The following KRT8 variants were observed in gnomAD, a reference collection of about 807,000 sequenced individuals.
The protein encoded by KRT8 is keratin, type II cytoskeletal 8.
In KRT8, 24 loss-of-function variants were observed where a neutral mutation model predicts 43.0. That is an observed-to-expected ratio of 0.56 (90% CI 0.40 to 0.78). KRT8 has a LOEUF of 0.78. KRT8 is among the 30% of genes least tolerant of loss of function. The pLI, the probability that KRT8 is intolerant of heterozygous loss-of-function variation, is 0.00. For synonymous variants in KRT8, 214 were observed against 261.2 expected (o/e 0.82, Z 1.74); for missense variants, 492 against 638.4 (o/e 0.77, Z 2.47).
At chr12:52,948,827 A>G (rs1424720648) in intron 2 of KRT8, 11 of 412,142 alleles carry the variant, frequency 2.7e-5, no homozygotes, top group Non-Finnish European at 4.2e-5. Context: ...CACCTCCTCC[A>G]CCTGGGGGAG....
intron 2 of KRT8, among the ~76,000 whole-genome samples, chr12:52,921,599 C>T (rs957759735): frequency 2.0e-5 from 3 of 151,986 alleles, no homozygotes; most frequent in Non-Finnish European, 4.4e-5. Context: ...TCTTTGTGTC[C>T]CTCTAGCCTG....
intron 4 of KRT8, among the ~76,000 whole-genome samples, chr12:52,900,317 C>T (rs1229704248): frequency 6.6e-6 from 1 of 152,160 alleles, no homozygotes; most frequent in Non-Finnish European, 1.5e-5. Context: ...TGAATCACCA[C>T]ACCCTATGAT....
chr12:52,923,073 C>G (rs1941920275), intron 2 of KRT8, among the ~76,000 whole-genome samples: 1 of 152,176 alleles, frequency 6.6e-6, no homozygotes, highest in Non-Finnish European at 1.5e-5. Flanking sequence ...TCCCACTCGT[C>G]CTGTGAACTG....
chr12:52,915,041 G>A (rs1318121245), intron 2 of KRT8, among the ~76,000 whole-genome samples: 3 of 152,142 alleles, frequency 2.0e-5, no homozygotes, highest in African/African-American at 4.8e-5. Flanking sequence ...CTGTGGAGGG[G>A]TGATCAGCCC....
At chr12:52,898,927 T>C in intron 5 of KRT8, 28 bp from the exon 6 acceptor site, 1 of 1,605,870 alleles carries the variant, frequency 6.2e-7, no homozygotes, top group Non-Finnish European at 8.5e-7. Flanking sequence ...GGTAAGTAGG[T>C]CAGGTTGGGT....
At chr12:52,933,994 C>T (rs966945952) in intron 2 of KRT8, among the ~76,000 whole-genome samples, 1 of 149,922 alleles carries the variant, frequency 6.7e-6, no homozygotes, top group African/African-American at 2.4e-5. Context: ...CTTTGGGAGG[C>T]CGAGGCGGGT....
chr12:52,945,884 C>T (rs1350001708), intron 2 of KRT8, among the ~76,000 whole-genome samples: 3 of 152,050 alleles, frequency 2.0e-5, no homozygotes, highest in African/African-American at 7.2e-5. Context: ...TGCTTCCCAC[C>T]CCCACCCCAG....
chr12:52,941,478 C>CTTTTTTTTTTTTTTTTTTTT (rs774607187), intron 2 of KRT8, among the ~76,000 whole-genome samples: 1 of 72,574 alleles, frequency 1.4e-5, no homozygotes, highest in African/African-American at 6.1e-5. Flanking sequence ...AGTTTTTGCT[C>CTTTTTTTTTTTTTTTTTTTT]TTTTTTTTTT....
chr12:52,913,782 A>G lies in KRT8; in HGVS notation c.-46-8755T>C, dbSNP rs535471037. ...CACCCGTCAGAGTCCCGTGCACACC[A>G]CCTTCCTACGAACGTCACACACATA... On this transcript the variant is annotated intron_variant, in intron 2 of 6. Coordinates refer to the KRT8 transcript ENST00000546826. 3.3e-5 allele frequency among the ~76,000 whole-genome samples: 5 copies of G among 152,210 alleles called. No homozygotes were observed. In the South Asian group the frequency reaches 1.0e-3, roughly 32 times the overall value.
intron 2 of KRT8, among the ~76,000 whole-genome samples, chr12:52,932,377 G>A (rs959225615): frequency 2.6e-5 from 4 of 152,028 alleles, no homozygotes; most frequent in Admixed American, 6.6e-5. Flanking sequence ...GTGAGCCACC[G>A]CGCCTGGCAA....
upstream of KRT8, among the ~76,000 whole-genome samples, chr12:52,909,736 A>G (rs1941594722): frequency 6.6e-6 from 1 of 152,170 alleles, no homozygotes; most frequent in South Asian, 2.1e-4. Flanking sequence ...CCAACTCTGA[A>G]AGCTTTTGAT....
At chr12:52,913,864 G>T (rs564250210) in intron 2 of KRT8, among the ~76,000 whole-genome samples, 2 of 152,276 alleles carry the variant, frequency 1.3e-5, no homozygotes, top group South Asian at 4.2e-4. Flanking sequence ...ACGGTTACAG[G>T]TTTGTTTGTT....
At chr12:52,935,310 CATA>C (rs1942149807) in intron 2 of KRT8, among the ~76,000 whole-genome samples, 1 of 135,218 alleles carries the variant, frequency 7.4e-6, no homozygotes. Flanking sequence ...ACCCAGGAGG[CATA>C]GGTTGCAATG....
At chr12:52,915,101 C>T (rs959372492) in intron 2 of KRT8, among the ~76,000 whole-genome samples, 8 of 152,126 alleles carry the variant, frequency 5.3e-5, no homozygotes, top group Non-Finnish European at 8.8e-5. Flanking sequence ...GGGCCAGGCG[C>T]GGTGGCTCAC....
At chr12:52,905,265 C>A (rs1215036395), upstream of KRT8, among the ~76,000 whole-genome samples, 1 of 152,104 alleles carries the variant, frequency 6.6e-6, no homozygotes, top group Non-Finnish European at 1.5e-5. Flanking sequence ...TCCAGCACCA[C>A]CCCCAGAAAC....
chr12:52,931,099 G>A (rs1388623748), intron 2 of KRT8, among the ~76,000 whole-genome samples: 7 of 146,298 alleles, frequency 4.8e-5, no homozygotes, highest in South Asian at 2.2e-4. Flanking sequence ...ACAGAGTGTC[G>A]CTCTGTTGCC....
At position 52,918,206 on chromosome 12, in the gene KRT8, A is replaced by AAGAAGAAGAAGAAGAAGG. The variant is rs1941808085; in HGVS notation, c.-46-13180_-46-13179insCCTTCTTCTTCTTCTTCT. Among the ~76,000 whole-genome samples, 11 of 81,878 alleles carry AAGAAGAAGAAGAAGAAGG rather than the reference A, an allele frequency of 1.3e-4. 1 individual carries two copies. The highest frequency in any genetic ancestry group is 2.5e-4 in the Non-Finnish European group (9 of 35,612). 53.7% of individuals were successfully genotyped at this position (81,878 alleles called of 152,430 possible). A position where few individuals can be genotyped will look rare whatever the true frequency, so the allele number is the denominator to read the frequency against. Reference sequence around the variant, plus strand: ...GAAGAAGAAGAAGAAGAAGAAGAACAAGAAGAAGAAGAAGAAGAAGAAGAA... The same window carrying AAGAAGAAGAAGAAGAAGG: ...GAAGAAGAAGAAGAAGAAGAAGAACAAGAAGAAGAAGAAGAAGGAGAAGAAGAAGAAGAAGAAGAAGAA... On this transcript the variant is annotated intron_variant, in intron 2 of 6. Transcript: ENST00000546826.
chr12:52,915,120 T>A (rs1565723955), intron 2 of KRT8, among the ~76,000 whole-genome samples: 1 of 152,084 alleles, frequency 6.6e-6, no homozygotes, highest in Non-Finnish European at 1.5e-5. Context: ...ACGCCTGTAA[T>A]CCCAGCTCTT....
At chr12:52,898,985 A>G in intron 5 of KRT8, 86 bp from the exon 6 acceptor site, 1 of 1,176,418 alleles carries the variant, frequency 8.5e-7, no homozygotes, top group Non-Finnish European at 1.2e-6. Flanking sequence ...GGTCCTCCCC[A>G]CCACCACCTA....
Sources: allele counts gnomAD v4.1 joint callset (sites outside exome capture counted in the v4.1 genomes callset), GRCh38; gene constraint gnomAD v4.1.1; transcripts MANE v1.5; gene names NCBI Gene and HGNC (gene_info 2026-07-23, HGNC 2026-07-21).